The following SLC24A3 variants were observed in gnomAD, a reference collection of about 807,000 sequenced individuals.
SLC24A3 encodes the protein sodium/potassium/calcium exchanger 3.
SLC24A3 carries 28 observed loss-of-function variants against 75.8 expected under a neutral mutation model. That is an observed-to-expected ratio of 0.37 (90% confidence interval 0.27 to 0.51). The LOEUF (loss-of-function observed/expected upper bound fraction) is 0.51, where lower values mean the gene tolerates loss of function less well. SLC24A3 is among the 20% of genes least tolerant of loss of function. The probability of loss-of-function intolerance (pLI) is 0.94; values close to 1 mark genes in which losing one functional copy is unlikely to be tolerated. For synonymous variants in SLC24A3, 372 were observed against 334.1 expected, an observed-to-expected ratio of 1.11 and a Z score of -1.24; for missense variants, 663 against 847.8, an observed-to-expected ratio of 0.78 and a Z score of 2.71.
At chr20:19,609,433 G>T (rs1275390987) in intron 6 of SLC24A3, among the ~76,000 whole-genome samples, 2 of 151,810 alleles carry the variant, frequency 1.3e-5, no homozygotes, top group African/African-American at 4.8e-5. Context: ...TAAGTTCCAG[G>T]ATACATGTGC....
rs1021648317 is a variant in SLC24A3, at chr20:19,259,572, C to A, written c.143-21387C>A. ...GCCACATGGCAGCCAGTCATGGCCACCCCTGGAGGGGTTCATGGAACACAT... is the reference window on the plus strand; with the variant it reads ...GCCACATGGCAGCCAGTCATGGCCAACCCTGGAGGGGTTCATGGAACACAT... On this transcript the variant is annotated intron_variant, in intron 1 of 16. Coordinates refer to ENST00000328041, the MANE Select transcript of SLC24A3 (RefSeq NM_020689.4). Among the ~76,000 whole-genome samples the A allele has an allele frequency of 3.9e-5, 6 of 152,188 alleles. No homozygotes were observed. The East Asian group carries it at 9.6e-4, about 24-fold the overall frequency.
chr20:19,524,555 T>C (rs1020455167), intron 3 of SLC24A3, among the ~76,000 whole-genome samples: 17 of 152,310 alleles, frequency 1.1e-4, no homozygotes, highest in Admixed American at 6.5e-4. Context: ...CTTATGCACA[T>C]TGCTTAGATA....
intron 2 of SLC24A3, among the ~76,000 whole-genome samples, chr20:19,459,387 C>A (rs188876882): frequency 6.6e-6 from 1 of 152,142 alleles, no homozygotes; most frequent in African/African-American, 2.4e-5. Context: ...ATGTGGATGG[C>A]CCGTGGTCTC....
chr20:19,602,820 G>A (rs148322178), intron 6 of SLC24A3, among the ~76,000 whole-genome samples: 74 of 152,244 alleles, frequency 4.9e-4, no homozygotes, highest in African/African-American at 1.6e-3. Flanking sequence ...CTCTCTCTGC[G>A]CTAATGAGTC....
At chr20:19,232,607 T>TC (rs1202534328) in intron 1 of SLC24A3, among the ~76,000 whole-genome samples, 1 of 152,236 alleles carries the variant, frequency 6.6e-6, no homozygotes. Flanking sequence ...ATGTTAGCTC[T>TC]CCAGGCATCA....
chr20:19,690,004 C>G, intron 12 of SLC24A3, among the ~76,000 whole-genome samples: 1 of 112,790 alleles, frequency 8.9e-6, no homozygotes, highest in East Asian at 2.9e-4. Context: ...GCACTCCAGC[C>G]TGGACAAAAG....
chr20:19,491,877 G>A (rs961926201), intron 2 of SLC24A3, among the ~76,000 whole-genome samples: 8 of 152,146 alleles, frequency 5.3e-5, no homozygotes, highest in African/African-American at 1.7e-4. Flanking sequence ...GGGCAAGGGC[G>A]CTGGGCTTGC....
At chr20:19,256,784 A>G (rs1982830290) in intron 1 of SLC24A3, among the ~76,000 whole-genome samples, 1 of 151,990 alleles carries the variant, frequency 6.6e-6, no homozygotes, top group Non-Finnish European at 1.5e-5. Context: ...AAAAAAAAAA[A>G]AAAAGAGAAT....
At chr20:19,560,300 G>T (rs749424840) in intron 3 of SLC24A3, among the ~76,000 whole-genome samples, 2 of 152,222 alleles carry the variant, frequency 1.3e-5, no homozygotes, top group Non-Finnish European at 2.9e-5. Flanking sequence ...GGAGGGTGGA[G>T]AAGACCAGGT....
intron 7 of SLC24A3, among the ~76,000 whole-genome samples, chr20:19,661,494 A>G (rs990551410): frequency 6.6e-6 from 1 of 152,160 alleles, no homozygotes; most frequent in Non-Finnish European, 1.5e-5. Flanking sequence ...ACACCCACTC[A>G]AGGGAGTTCC....
intron 2 of SLC24A3, among the ~76,000 whole-genome samples, chr20:19,360,463 G>A (rs779673567): frequency 1.3e-5 from 2 of 152,188 alleles, no homozygotes; most frequent in Non-Finnish European, 2.9e-5. Context: ...CAACATTTCA[G>A]CATGTGAATA....
intron 6 of SLC24A3, among the ~76,000 whole-genome samples, chr20:19,650,283 C>T (rs2032187262): frequency 6.6e-6 from 1 of 152,208 alleles, no homozygotes; most frequent in South Asian, 2.1e-4. Context: ...AAGGATATCA[C>T]TATCCACCCA....
chr20:19,604,341 C>G (rs996543060), intron 6 of SLC24A3, among the ~76,000 whole-genome samples: 2 of 152,028 alleles, frequency 1.3e-5, no homozygotes, highest in African/African-American at 4.8e-5. Flanking sequence ...AAGGAGGAGC[C>G]ATGTGAAGAC....
At chr20:19,689,709 AC>A (rs2122128475) in intron 12 of SLC24A3, among the ~76,000 whole-genome samples, 1 of 152,306 alleles carries the variant, frequency 6.6e-6, no homozygotes, top group South Asian at 2.1e-4. Flanking sequence ...AGGAAAGGAA[AC>A]CTTTTTAAAC....
chr20:19,447,286 C>T (rs1483037840), intron 2 of SLC24A3, among the ~76,000 whole-genome samples: 3 of 152,028 alleles, frequency 2.0e-5, no homozygotes, highest in African/African-American at 7.3e-5. Flanking sequence ...CTCTGGCAAA[C>T]GGGGAAGGGA....
intron 2 of SLC24A3, among the ~76,000 whole-genome samples, chr20:19,313,347 T>C (rs1984507169): frequency 1.3e-5 from 2 of 152,204 alleles, no homozygotes; most frequent in Admixed American, 1.3e-4. Context: ...TCTTGTTTTT[T>C]TATGACCTCT....
At chr20:19,408,357 T>C (rs188433423) in intron 2 of SLC24A3, among the ~76,000 whole-genome samples, 1 of 152,234 alleles carries the variant, frequency 6.6e-6, no homozygotes, top group African/African-American at 2.4e-5. Flanking sequence ...TTCCCCTTTT[T>C]CTAGTGAGGG....
chr20:19,637,540 T>G (rs933654800), intron 6 of SLC24A3, among the ~76,000 whole-genome samples: 1 of 152,234 alleles, frequency 6.6e-6, no homozygotes, highest in Admixed American at 6.5e-5. Context: ...AAAAATATTA[T>G]GTTCCTAGCA....
chr20:19,665,981 G>C (rs1170715124), intron 8 of SLC24A3, 92 bp downstream of exon 8: 5 of 1,414,074 alleles, frequency 3.5e-6, no homozygotes, highest in Non-Finnish European at 2.0e-6. Flanking sequence ...AGAAAGAAAG[G>C]GAAGTGTCAT....
Sources: gnomAD v4.1 joint callset for allele counts (sites outside exome capture counted in the v4.1 genomes callset) on GRCh38, gnomAD v4.1.1 for gene constraint, MANE v1.5 for transcripts, NCBI Gene and HGNC (gene_info 2026-07-23, HGNC 2026-07-21) for gene names.